The following KIRREL3 variants were observed in gnomAD, a reference collection of about 807,000 sequenced individuals.
KIRREL3 encodes kin of IRRE-like protein 3.
In KIRREL3, 36 loss-of-function variants were observed where a neutral mutation model predicts 89.7. That is an observed-to-expected ratio of 0.40 (90% confidence interval 0.31 to 0.53). KIRREL3 has a LOEUF of 0.53. KIRREL3 is among the 20% of genes least tolerant of loss of function. The pLI is 0.49. For synonymous variants in KIRREL3, 445 were observed against 441.4 expected, an observed-to-expected ratio of 1.01 and a Z score of -0.10; for missense variants, 864 against 1,056.6, an observed-to-expected ratio of 0.82 and a Z score of 2.53.
At chr11:126,894,524 C>T (rs1256755947) in intron 1 of KIRREL3, among the ~76,000 whole-genome samples, 1 of 46,502 alleles carries the variant, frequency 2.2e-5, no homozygotes, top group Non-Finnish European at 3.8e-5. Flanking sequence ...GCCTGGGCAA[C>T]ATAATGAGAC....
At chr11:126,456,057 T>TTTTTTTTTTTCTTTC (rs147218473) in intron 7 of KIRREL3, among the ~76,000 whole-genome samples, 1 of 109,744 alleles carries the variant, frequency 9.1e-6, no homozygotes, top group African/African-American at 3.6e-5. Flanking sequence ...TTTTTTTTTT[T>TTTTTTTTTTTCTTTC]CCTGAGCCTT....
chr11:126,552,549 A>G (rs1939348782), intron 2 of KIRREL3, among the ~76,000 whole-genome samples: 1 of 67,924 alleles, frequency 1.5e-5, no homozygotes, highest in Non-Finnish European at 3.0e-5. Flanking sequence ...GAGAGAGAAA[A>G]GTTTTTTTTT....
At chr11:126,923,240 CTTCTTCTT>C in intron 1 of KIRREL3, among the ~76,000 whole-genome samples, 1 of 57,208 alleles carries the variant, frequency 1.7e-5, no homozygotes, top group East Asian at 3.0e-4. Context: ...TCTTCTTCTT[CTTCTTCTT>C]CTTCTTCTTC....
chr11:126,659,276 C>G (rs748065962), intron 1 of KIRREL3, among the ~76,000 whole-genome samples: 8 of 152,138 alleles, frequency 5.3e-5, no homozygotes, highest in Non-Finnish European at 1.2e-4. Flanking sequence ...CATGGGTCCT[C>G]CCAAAATGAG....
At position 126,515,147 on chromosome 11, in the gene KIRREL3, C is replaced by A. The variant is rs998882974; in HGVS notation, c.433+6168G>T. ...AATCAAGGTGCATAAGGAGGCTGGG[C>A]GCGATGGCTCACGCCTGTAATCTCA... On this transcript the variant is annotated intron_variant, in intron 4 of 16. Coordinates refer to ENST00000525144, the MANE Select transcript of KIRREL3 (RefSeq NM_032531.4). This position sits in a 1 kb window ranked among gnomAD's most constrained non-coding sequence, Gnocchi z 4.2. Among the ~76,000 whole-genome samples the A allele has an allele frequency of 6.6e-5, 10 of 152,268 alleles. No individual in the cohort carries two copies. Among genetic ancestry groups the A allele is most frequent in the Non-Finnish European group, 1.5e-4 (10 of 68,026 alleles).
rs766352469 is a variant in KIRREL3 at position 126,614,457 on chromosome 11, C to A, written c.56-51545G>T. On this transcript the variant is annotated intron_variant, in intron 1 of 16. Coordinates refer to ENST00000525144, the MANE Select transcript of KIRREL3 (RefSeq NM_032531.4). The surrounding 1 kb of genome is among the most constrained non-coding windows in gnomAD (Gnocchi z 4.6). ...TTAATCTTAGCTGCGTATTAGAATG[C>A]CCTGGAGAGCTTTGAAAACTACAGT... Among the ~76,000 whole-genome samples, 6 of 152,158 alleles carry A rather than the reference C, an allele frequency of 3.9e-5. No individual in the cohort carries two copies. The highest frequency in any genetic ancestry group is 5.9e-5 in the Non-Finnish European group (4 of 68,032).
rs1227662732 is a variant in KIRREL3 at position 126,694,434 on chromosome 11, T to C, written c.56-131522A>G. ...CTGATTGTGTCAGCATCACGCTCCG[T>C]GACATTTAAAAGTGGGGAAGGAAAA... On this transcript the variant is annotated intron_variant, in intron 1 of 16. Transcript: ENST00000525144. The surrounding 1 kb of genome is among the most constrained non-coding windows in gnomAD (Gnocchi z 4.4). 6.6e-6 allele frequency among the ~76,000 whole-genome samples: 1 copy of C among 152,128 alleles called. No individual in the cohort carries two copies. The highest frequency in any genetic ancestry group is 1.5e-5 in the Non-Finnish European group (1 of 68,028).
At position 126,594,772 on chromosome 11, in the gene KIRREL3, G is replaced by A. The variant is rs892611823; in HGVS notation, c.56-31860C>T. On this transcript the variant is annotated intron_variant, in intron 1 of 16. Transcript: ENST00000525144. This position sits in a 1 kb window ranked among gnomAD's most constrained non-coding sequence, Gnocchi z 5.0. ...GAGACACTGAATAGAACATAGAAGG[G>A]GTTGTTTTCCTAAAGCTCATATAAA... Among the ~76,000 whole-genome samples the A allele has an allele frequency of 6.6e-6, 1 of 152,216 alleles. No homozygotes were observed. The highest frequency in any genetic ancestry group is 1.5e-5 in the Non-Finnish European group (1 of 68,032).
In KIRREL3 at chr11:126,638,918, T is replaced by C. The variant is rs189727325; in HGVS notation, c.56-76006A>G. ...GATATTGAGTAATTACCTATTTCCT[T>C]TTCTAGATGATGTAAGCTCTGTTTT... On this transcript the variant is annotated intron_variant, in intron 1 of 16. Transcript: ENST00000525144. Among the ~76,000 whole-genome samples the C allele has an allele frequency of 2.0e-4, 30 of 152,326 alleles. No homozygotes were observed. In the East Asian group the frequency reaches 5.0e-3, roughly 25 times the overall value.
chr11:126,471,142 G>A lies in KIRREL3; in HGVS notation c.591+2167C>T, dbSNP rs1383289845. Among the ~76,000 whole-genome samples the A allele has an allele frequency of 6.6e-6, 1 of 152,132 alleles. No homozygotes were observed. Among genetic ancestry groups the A allele is most frequent in the Non-Finnish European group, 1.5e-5 (1 of 68,026 alleles). On this transcript the variant is annotated intron_variant, in intron 5 of 16. Transcript: ENST00000525144. The surrounding 1 kb of genome is among the most constrained non-coding windows in gnomAD (Gnocchi z 5.4). ...GGAGGCTGAGGCAGGTGGATCACCT[G>A]AGGTCGGGAGTTTGAGACCAGCCTG...
Position 126,820,172 on chromosome 11 carries a change from G to A in KIRREL3, c.55+180283C>T, listed in dbSNP as rs373457803. Reference sequence around the variant, plus strand: ...TTGTTCATGTGAATACTTTCTTGGTGAGAGTGATTTCAGCTAGCACATAGT... The same window carrying A: ...TTGTTCATGTGAATACTTTCTTGGTAAGAGTGATTTCAGCTAGCACATAGT... On this transcript the variant is annotated intron_variant, in intron 1 of 16. Coordinates refer to ENST00000525144, the MANE Select transcript of KIRREL3 (RefSeq NM_032531.4). Among the ~76,000 whole-genome samples, 7 of 152,304 alleles carry A rather than the reference G, an allele frequency of 4.6e-5. No homozygotes were observed. In the East Asian group the frequency reaches 9.7e-4, roughly 21 times the overall value.
In KIRREL3 at chr11:126,892,995, T is replaced by C. The variant is rs1671850691; in HGVS notation, c.55+107460A>G. On this transcript the variant is annotated intron_variant, in intron 1 of 16. Transcript: ENST00000525144. The surrounding 1 kb of genome is among the most constrained non-coding windows in gnomAD (Gnocchi z 5.4). The stretch of plus-strand genomic sequence containing the variant: ...TTCACTATATCCCTGCACAGCTGTT[T>C]TCATGCTGTGGTTGGATTTTGACGC... 6.6e-6 allele frequency among the ~76,000 whole-genome samples: 1 copy of C among 152,212 alleles called. No homozygotes were observed. The highest frequency in any genetic ancestry group is 2.4e-5 in the African/African-American group (1 of 41,450).
In KIRREL3 at chr11:126,687,237, C is replaced by A. The variant is rs1036523362; in HGVS notation, c.56-124325G>T. 2.6e-5 allele frequency among the ~76,000 whole-genome samples: 4 copies of A among 152,224 alleles called. No homozygotes were observed. Among genetic ancestry groups the A allele is most frequent in the African/African-American group, 9.6e-5 (4 of 41,462 alleles). ...GGCAGTGAGCTAGTCCTTATTTTCA[C>A]ACCTGGCTTTCTTGCCTAAGCAAAT... On this transcript the variant is annotated intron_variant, in intron 1 of 16. Transcript: ENST00000525144. The surrounding 1 kb of genome is among the most constrained non-coding windows in gnomAD (Gnocchi z 4.6).
At chr11:126,695,406 C>CAAAAA (rs36034228) in intron 1 of KIRREL3, among the ~76,000 whole-genome samples, 3 of 64,348 alleles carry the variant, frequency 4.7e-5, no homozygotes, top group Admixed American at 1.9e-4. Flanking sequence ...TTAGCTTTAC[C>CAAAAA]AAAAAAAAAA....
At position 126,912,301 on chromosome 11, in the gene KIRREL3, G is replaced by T. The variant is rs1439721708; in HGVS notation, c.55+88154C>A. 1.3e-5 allele frequency among the ~76,000 whole-genome samples: 2 copies of T among 152,170 alleles called. No individual in the cohort carries two copies. Among genetic ancestry groups the T allele is most frequent in the Admixed American group, 6.5e-5 (1 of 15,288 alleles). The stretch of plus-strand genomic sequence containing the variant: ...CCGAGAGTGGCTCTGAGGACCTGCA[G>T]GTGCTGCCCACATGTGCCCTGGGCT... On this transcript the variant is annotated intron_variant, in intron 1 of 16. Coordinates refer to ENST00000525144, the MANE Select transcript of KIRREL3 (RefSeq NM_032531.4). The surrounding 1 kb of genome is among the most constrained non-coding windows in gnomAD (Gnocchi z 4.7).
intron 1 of KIRREL3, among the ~76,000 whole-genome samples, chr11:126,980,757 T>C (rs373113003): frequency 5.3e-4 from 81 of 152,232 alleles, no homozygotes; most frequent in African/African-American, 1.9e-3. Context: ...TTACGGAGAT[T>C]AGGACCCCAA....
chr11:126,556,237 G>C (rs577466076), intron 2 of KIRREL3, among the ~76,000 whole-genome samples: 11 of 152,236 alleles, frequency 7.2e-5, no homozygotes, highest in Admixed American at 5.2e-4. Flanking sequence ...ACAGGGTCTA[G>C]GGTGGTGGCA....
chr11:126,901,541 C>T (rs1021731672), intron 1 of KIRREL3, among the ~76,000 whole-genome samples: 1 of 152,144 alleles, frequency 6.6e-6, no homozygotes, highest in Non-Finnish European at 1.5e-5. Flanking sequence ...ATGGAGGATA[C>T]TGTCTGCAGA....
chr11:126,450,724 T>C (rs1157670843), intron 7 of KIRREL3, among the ~76,000 whole-genome samples: 2 of 130,520 alleles, frequency 1.5e-5, no homozygotes, highest in South Asian at 2.1e-4. Context: ...TGTGCATGTG[T>C]GAATGTGGGC....
Sources: allele counts gnomAD v4.1 joint callset (sites outside exome capture counted in the v4.1 genomes callset), GRCh38; gene constraint gnomAD v4.1.1; non-coding constraint Gnocchi (gnomAD v3.1); transcripts MANE v1.5; gene names NCBI Gene and HGNC (gene_info 2026-07-23, HGNC 2026-07-21).